RSBN1L: variants seen among roughly 807,000 people sequenced by gnomAD.
RSBN1L encodes the protein lysine-specific demethylase RSBN1L.
In RSBN1L, 30 loss-of-function variants were observed where a neutral mutation model predicts 67.7. The ratio of observed to expected loss-of-function variants is 0.44; its 90% CI spans 0.33 to 0.60. RSBN1L has a LOEUF of 0.60. RSBN1L is among the 20% of genes least tolerant of loss of function. The pLI is 0.02. For synonymous variants in RSBN1L, 433 were observed against 387.0 expected, an observed-to-expected ratio of 1.12 and a Z score of -1.39; for missense variants, 992 against 1,031.7, an observed-to-expected ratio of 0.96 and a Z score of 0.53.
chr7:77,776,688 T>C (rs538386759), intron 6 of RSBN1L, among the ~76,000 whole-genome samples: 1 of 152,242 alleles, frequency 6.6e-6, no homozygotes, highest in Admixed American at 6.5e-5. Context: ...CTTGGTAATA[T>C]TCCTTGTCCT....
intron 2 of RSBN1L, among the ~76,000 whole-genome samples, chr7:77,737,477 A>G (rs1791352478): frequency 6.6e-6 from 1 of 152,180 alleles, no homozygotes; most frequent in Non-Finnish European, 1.5e-5. Flanking sequence ...ATTCTTTGTC[A>G]TGTTTTCAGA....
At chr7:77,739,811 G>A (rs1176041601) in intron 2 of RSBN1L, among the ~76,000 whole-genome samples, 3 of 124,720 alleles carry the variant, frequency 2.4e-5, no homozygotes, top group Non-Finnish European at 4.9e-5. Flanking sequence ...GTGCAGTGGC[G>A]CGATCTCGGC....
intron 4 of RSBN1L, among the ~76,000 whole-genome samples, chr7:77,767,491 A>G (rs1791784712): frequency 6.6e-6 from 1 of 151,626 alleles, no homozygotes; most frequent in East Asian, 2.0e-4. Context: ...CTCATGCCTC[A>G]GCCTTTCGAG....
intron 4 of RSBN1L, among the ~76,000 whole-genome samples, chr7:77,766,418 C>T (rs540837566): frequency 6.6e-6 from 1 of 152,246 alleles, no homozygotes; most frequent in East Asian, 1.9e-4. Context: ...CTCTTGGACT[C>T]AAGTGATCCT....
intron 4 of RSBN1L, among the ~76,000 whole-genome samples, chr7:77,766,885 T>A (rs931859461): frequency 3.9e-5 from 6 of 152,340 alleles, no homozygotes; most frequent in African/African-American, 1.4e-4. Flanking sequence ...TCTCTAGTAG[T>A]TACATCATGG....
chr7:77,735,778 T>G (rs967307644), intron 1 of RSBN1L, among the ~76,000 whole-genome samples: 2 of 152,046 alleles, frequency 1.3e-5, no homozygotes, highest in Non-Finnish European at 2.9e-5. Flanking sequence ...ATCAAATATT[T>G]TGTTTGAAGT....
At chr7:77,777,056 G>GT (rs1213750529) in intron 6 of RSBN1L, among the ~76,000 whole-genome samples, 28 of 146,450 alleles carry the variant, frequency 1.9e-4, no homozygotes, top group South Asian at 2.2e-4. Flanking sequence ...AGCTCTGTGG[G>GT]TTTTTTTTTT....
At chr7:77,754,986 CTA>C (rs60482613) in intron 3 of RSBN1L, among the ~76,000 whole-genome samples, 2 of 151,876 alleles carry the variant, frequency 1.3e-5, no homozygotes, top group African/African-American at 4.8e-5. Flanking sequence ...TATCTATTCA[CTA>C]TATATATATT....
chr7:77,763,615 G>A (rs1202437100), intron 3 of RSBN1L, among the ~76,000 whole-genome samples: 1 of 152,208 alleles, frequency 6.6e-6, no homozygotes, highest in Non-Finnish European at 1.5e-5. Context: ...TGATATTGGA[G>A]ATGATAGGAA....
At position 77,719,387 on chromosome 7, in the gene RSBN1L, G is replaced by C. The variant is rs577072363; in HGVS notation, c.587-17023G>C. 4.6e-5 allele frequency among the ~76,000 whole-genome samples: 7 copies of C among 152,266 alleles called. No homozygotes were observed. The South Asian group carries it at 1.5e-3, about 32-fold the overall frequency. On this transcript the variant is annotated intron_variant, in intron 1 of 7. Coordinates refer to ENST00000334955, the MANE Select transcript of RSBN1L (RefSeq NM_198467.3). Reference sequence around the variant, plus strand: ...TGCCCACACATATTGTTATCATTAAGAACTATGTATATGATTTACCATTTG... The same window carrying C: ...TGCCCACACATATTGTTATCATTAACAACTATGTATATGATTTACCATTTG...
intron 4 of RSBN1L, 48 bp from the exon 5 acceptor site, chr7:77,768,610 TGAA>T (rs1791805928): frequency 3.3e-6 from 5 of 1,517,698 alleles, no homozygotes; most frequent in Non-Finnish European, 4.6e-6. Flanking sequence ...AACATACACT[TGAA>T]GATACATTTT....
At chr7:77,715,504 T>C (rs1425636741) in intron 1 of RSBN1L, among the ~76,000 whole-genome samples, 1 of 151,872 alleles carries the variant, frequency 6.6e-6, no homozygotes, top group African/African-American at 2.4e-5. Context: ...GATGGGGGGC[T>C]CACCATGTTG....
intron 1 of RSBN1L, among the ~76,000 whole-genome samples, chr7:77,714,241 A>G (rs899408681): frequency 2.6e-5 from 4 of 152,220 alleles, no homozygotes; most frequent in Non-Finnish European, 4.4e-5. Flanking sequence ...TATAATTTAC[A>G]TAAAATAGAT....
At chr7:77,759,410 GAAATA>G (rs1340293397) in intron 3 of RSBN1L, among the ~76,000 whole-genome samples, 1 of 152,020 alleles carries the variant, frequency 6.6e-6, no homozygotes, top group Non-Finnish European at 1.5e-5. Flanking sequence ...GGGTATTTTT[GAAATA>G]AAATGTTGGT....
intron 2 of RSBN1L, among the ~76,000 whole-genome samples, chr7:77,740,985 CTTT>C (rs869081974): frequency 5.8e-5 from 6 of 102,938 alleles, no homozygotes; most frequent in South Asian, 7.4e-4. Flanking sequence ...CTTTTCTTTT[CTTT>C]TTTTTTTTTT....
Position 77,749,566 on chromosome 7 carries a change from A to G in RSBN1L, c.846A>G (p.Gly282=), listed in dbSNP as rs749348942. ...YSKSIQTICS[G]LLTDVEDQAA... ...AATCTATTCAGACCATCTGCTCAGG[A>G]TTGCTAACTGATGTTGAAGATCAAG... Residue 282 remains glycine, a synonymous_variant, in exon 3 of 8, where the codon GGA becomes GGG. Transcript: ENST00000334955. The G allele has an allele frequency of 5.2e-5, 84 of 1,613,892 alleles. No individual in the cohort carries two copies. Among genetic ancestry groups the G allele is most frequent in the Non-Finnish European group, 7.0e-5 (83 of 1,180,012 alleles).
chr7:77,699,137 A>G (rs1030188459), intron 1 of RSBN1L, among the ~76,000 whole-genome samples: 24 of 152,320 alleles, frequency 1.6e-4, no homozygotes, highest in African/African-American at 5.5e-4. Flanking sequence ...ATGGGTGACC[A>G]AGTGTTTGTT....
Position 77,765,597 on chromosome 7 carries a change from T to C in RSBN1L, c.1447T>C (p.Phe483Leu). 1 of 1,609,598 alleles carries C rather than the reference T, an allele frequency of 6.2e-7. No homozygotes were observed. The highest frequency in any genetic ancestry group is 8.5e-7 in the Non-Finnish European group (1 of 1,177,438). ...DEEVGDYFPE[F>L]LDMLEESPFL... ...AGAAGTAGGAGATTATTTCCCTGAG[T>C]TCCTTGACATGTTGGAAGAGTCACC... Residue 483 changes from phenylalanine to leucine, a missense_variant, in exon 4 of 8, where the codon TTC (phenylalanine) becomes CTC (leucine). Physicochemically the swap from Phe to Leu is conservative, Grantham distance 22 (BLOSUM62 0). This residue lies in a region of RSBN1L where 67 missense variants were observed against 130.5 expected (regional missense o/e 0.51). Transcript: ENST00000334955.
chr7:77,728,611 T>G (rs1248215009), intron 1 of RSBN1L, among the ~76,000 whole-genome samples: 1 of 152,232 alleles, frequency 6.6e-6, no homozygotes, highest in Non-Finnish European at 1.5e-5. Context: ...TTTCCTGGGC[T>G]GTCTCTAGCT....
Sources: gnomAD v4.1 joint callset for allele counts (sites outside exome capture counted in the v4.1 genomes callset) on GRCh38, gnomAD v4.1.1 for gene constraint, gnomAD v4.1.1 regional missense constraint, MANE v1.5 for transcripts, NCBI Gene and HGNC (gene_info 2026-07-23, HGNC 2026-07-21) for gene names.